LAMA2: variants seen among roughly 807,000 people sequenced by gnomAD.
LAMA2 encodes the protein laminin subunit alpha 2.
LAMA2 carries 269 observed loss-of-function variants against 364.8 expected under a neutral mutation model. The observed-to-expected ratio is 0.74, with a 90% confidence interval of 0.67 to 0.82. The LOEUF (loss-of-function observed/expected upper bound fraction) is 0.82, where lower values mean the gene tolerates loss of function less well. LAMA2 is among the 40% of genes least tolerant of loss of function. LAMA2 has a pLI of 0.00. For missense variants in LAMA2, 3,807 were observed against 3,873.2 expected (o/e 0.98, Z 0.45); for synonymous variants, 1,379 against 1,370.6 (o/e 1.01, Z -0.14).
chr6:129,514,026 C>T (rs2114937272), intron 63 of LAMA2, among the ~76,000 whole-genome samples: 1 of 152,302 alleles, frequency 6.6e-6, no homozygotes, highest in East Asian at 1.9e-4. Context: ...AGAACTCTCA[C>T]ATTCTAAAAA....
intron 18 of LAMA2, among the ~76,000 whole-genome samples, chr6:129,286,973 C>G (rs202167911): frequency 2.8e-5 from 3 of 106,028 alleles, no homozygotes; most frequent in East Asian, 3.0e-4. Flanking sequence ...AAGAAAGAAA[C>G]AGAGAGGAAG....
chr6:128,998,517 G>A (rs1198163074), intron 1 of LAMA2, among the ~76,000 whole-genome samples: 3 of 108,738 alleles, frequency 2.8e-5, no homozygotes, highest in East Asian at 2.0e-4. Flanking sequence ...GTGCCAGACA[G>A]TGGGCGCAGG....
chr6:129,249,585 A>G (rs938100166), intron 12 of LAMA2, among the ~76,000 whole-genome samples: 3 of 152,324 alleles, frequency 2.0e-5, no homozygotes, highest in Middle Eastern at 3.4e-3. Flanking sequence ...GAATTTTAAT[A>G]TAAAATAAAA....
intron 43 of LAMA2, 39 bp from the exon 44 acceptor site, chr6:129,443,024 A>C: frequency 6.7e-7 from 1 of 1,485,354 alleles, no homozygotes; most frequent in Non-Finnish European, 9.3e-7. Flanking sequence ...TGAATTTATA[A>C]TTTTTTTTTG....
At chr6:129,424,330 C>A (rs889420044) in intron 40 of LAMA2, among the ~76,000 whole-genome samples, 7 of 151,436 alleles carry the variant, frequency 4.6e-5, no homozygotes, top group African/African-American at 1.7e-4. Context: ...CTTAGATACA[C>A]CACCAAAAGC....
At position 129,300,759 on chromosome 6, in the gene LAMA2, A is replaced by G. The variant is rs1773497590; in HGVS notation, c.3061A>G (p.Asn1021Asp). The G allele has an allele frequency of 6.2e-7, 1 of 1,613,584 alleles. No individual in the cohort carries two copies. Among genetic ancestry groups the G allele is most frequent in the Admixed American group, 1.7e-5 (1 of 59,984 alleles). Reference protein sequence around the residue: ...CTACECSHLGNNCDPKTGRCI... With the variant: ...CTACECSHLGDNCDPKTGRCI... ...AGCTTGTGAATGTTCTCATCTGGGT[A>G]ATAATTGTGACCCAAAGACTGGGCG... The change falls in exon 22 of 65, where the codon AAT (asparagine) becomes GAT (aspartate). Residue 1021 changes from asparagine to aspartate, a missense_variant. By Grantham distance (23) the Asn-to-Asp change is conservative. Transcript: ENST00000421865.
At chr6:129,419,242 A>G (rs936316488) in intron 40 of LAMA2, among the ~76,000 whole-genome samples, 1 of 152,158 alleles carries the variant, frequency 6.6e-6, no homozygotes, top group African/African-American at 2.4e-5. Context: ...CAATGCCACA[A>G]TGCAATCTAA....
intron 1 of LAMA2, among the ~76,000 whole-genome samples, chr6:129,048,604 T>TTC (rs59707849): frequency 3.1e-4 from 41 of 133,240 alleles, no homozygotes; most frequent in East Asian, 1.7e-3. Flanking sequence ...CTTCCTTCCT[T>TTC]TCTCTCTCTC....
At chr6:128,934,691 T>C (rs1175036540) in intron 1 of LAMA2, among the ~76,000 whole-genome samples, 1 of 152,096 alleles carries the variant, frequency 6.6e-6, no homozygotes, top group Non-Finnish European at 1.5e-5. Context: ...TATTTCTTAG[T>C]AGAGATGGGG....
At chr6:128,976,006 C>T (rs1782508179) in intron 1 of LAMA2, among the ~76,000 whole-genome samples, 1 of 152,050 alleles carries the variant, frequency 6.6e-6, no homozygotes, top group Non-Finnish European at 1.5e-5. Context: ...ATCCCTCTAA[C>T]TGCAATGTGG....
chr6:129,372,378 A>T (rs1778138209), intron 34 of LAMA2, among the ~76,000 whole-genome samples: 2 of 152,156 alleles, frequency 1.3e-5, no homozygotes, highest in Non-Finnish European at 2.9e-5. Flanking sequence ...TTTTTGGAAT[A>T]TATAGCTGGA....
At chr6:129,481,867 T>C (rs2784899) in intron 55 of LAMA2, among the ~76,000 whole-genome samples, 4 of 151,920 alleles carry the variant, frequency 2.6e-5, no homozygotes, top group Admixed American at 2.6e-4. Flanking sequence ...CAAGCTGAAG[T>C]AATAGTCTTT....
intron 40 of LAMA2, among the ~76,000 whole-genome samples, chr6:129,409,157 G>C (rs1315036378): frequency 1.3e-5 from 2 of 152,184 alleles, no homozygotes; most frequent in African/African-American, 4.8e-5. Context: ...TGCCCCCTGG[G>C]AAGACTTCCC....
intron 34 of LAMA2, among the ~76,000 whole-genome samples, chr6:129,380,543 C>T (rs1357266979): frequency 6.6e-6 from 1 of 152,062 alleles, no homozygotes; most frequent in Non-Finnish European, 1.5e-5. Flanking sequence ...AAACGTCCTG[C>T]TGCAGGAAGT....
chr6:128,946,674 A>T (rs569248260), intron 1 of LAMA2, among the ~76,000 whole-genome samples: 6 of 152,336 alleles, frequency 3.9e-5, no homozygotes, highest in African/African-American at 1.4e-4. Context: ...TATATAGTCA[A>T]TACTTCTTGA....
At chr6:129,342,310 A>C (rs773568298) in intron 29 of LAMA2, 33 bp from the exon 30 acceptor site, 2 of 1,603,636 alleles carry the variant, frequency 1.2e-6, no homozygotes, top group Non-Finnish European at 1.7e-6. Flanking sequence ...TCACTAAATT[A>C]AAAACAAACT....
At chr6:129,004,126 C>A (rs1582853153) in intron 1 of LAMA2, among the ~76,000 whole-genome samples, 1 of 11,084 alleles carries the variant, frequency 9.0e-5, no homozygotes, top group Non-Finnish European at 1.5e-4. Context: ...AATTGGAAAC[C>A]ATCATTCTCA....
chr6:129,393,721 A>G (rs778258663), intron 37 of LAMA2, among the ~76,000 whole-genome samples: 6 of 152,128 alleles, frequency 3.9e-5, no homozygotes, highest in Non-Finnish European at 8.8e-5. Flanking sequence ...TTCCCAAACT[A>G]ATTCACAAAT....
At chr6:129,251,314 A>G (rs1171573686) in intron 13 of LAMA2, among the ~76,000 whole-genome samples, 1 of 151,626 alleles carries the variant, frequency 6.6e-6, no homozygotes, top group Non-Finnish European at 1.5e-5. Flanking sequence ...GTTTTTTCCC[A>G]TGTAGTAAGT....
Sources: gnomAD v4.1 joint callset for allele counts (sites outside exome capture counted in the v4.1 genomes callset) on GRCh38, gnomAD v4.1.1 for gene constraint, MANE v1.5 for transcripts, NCBI Gene and HGNC (gene_info 2026-07-23, HGNC 2026-07-21) for gene names.